The following SLX4IP variants were observed in gnomAD, a reference collection of about 807,000 sequenced individuals.
SLX4IP encodes the protein protein SLX4IP.
SLX4IP carries 34 observed loss-of-function variants against 32.9 expected under a neutral mutation model. The observed-to-expected ratio is 1.03, with a 90% CI of 0.79 to 1.38. SLX4IP has a LOEUF of 1.38. Ranked by LOEUF, SLX4IP falls within the 40% of genes most tolerant of loss-of-function variation. SLX4IP has a pLI of 0.00. For missense variants in SLX4IP, 444 were observed against 479.0 expected (o/e 0.93, Z 0.68); for synonymous variants, 172 against 171.7 (o/e 1.00, Z -0.01).
At chr20:10,532,747 G>GA (rs145371933) in intron 2 of SLX4IP, among the ~76,000 whole-genome samples, 1,718 of 150,248 alleles carry the variant, frequency 0.011, 19 homozygotes, top group Admixed American at 0.021. Flanking sequence ...AAAAGCTGAA[G>GA]AAAAAAATGG....
At chr20:10,518,386 T>C (rs530936753) in intron 2 of SLX4IP, among the ~76,000 whole-genome samples, 17 of 143,116 alleles carry the variant, frequency 1.2e-4, no homozygotes, top group African/African-American at 3.8e-4. Context: ...TTTCTTTCCT[T>C]CTTCCTTTCT....
chr20:10,541,851 A>G (rs992469227), intron 2 of SLX4IP, among the ~76,000 whole-genome samples: 1 of 152,238 alleles, frequency 6.6e-6, no homozygotes, highest in Non-Finnish European at 1.5e-5. Context: ...ATTAAGATTC[A>G]GAGAGGCTGA....
At chr20:10,585,672 C>T (rs147456655) in intron 4 of SLX4IP, among the ~76,000 whole-genome samples, 168 of 152,070 alleles carry the variant, frequency 1.1e-3, no homozygotes, top group Middle Eastern at 0.01. Flanking sequence ...TTGCAACCTC[C>T]GTCACCTGGG....
chr20:10,502,584 C>T (rs1040830747), intron 2 of SLX4IP, among the ~76,000 whole-genome samples: 1 of 142,862 alleles, frequency 7.0e-6, no homozygotes, highest in Non-Finnish European at 1.5e-5. Context: ...CTGCTGCCTA[C>T]AATGCTCTTC....
At chr20:10,514,834 G>C (rs2065836014) in intron 2 of SLX4IP, among the ~76,000 whole-genome samples, 1 of 152,048 alleles carries the variant, frequency 6.6e-6, no homozygotes, top group Admixed American at 6.6e-5. Context: ...TATTTTTTAG[G>C]TGGAGAAGTG....
At chr20:10,585,652 T>C (rs914780634) in intron 4 of SLX4IP, among the ~76,000 whole-genome samples, 14 of 151,970 alleles carry the variant, frequency 9.2e-5, no homozygotes, top group Admixed American at 8.5e-4. Context: ...AGTGGCATGA[T>C]CTTGGCTCAT....
intron 2 of SLX4IP, among the ~76,000 whole-genome samples, chr20:10,493,242 G>A (rs2065640389): frequency 6.6e-6 from 1 of 152,086 alleles, no homozygotes; most frequent in African/African-American, 2.4e-5. Context: ...GATTAATTGG[G>A]GAGCATTGCA....
At chr20:10,441,076 C>T (rs1191253637) in intron 1 of SLX4IP, among the ~76,000 whole-genome samples, 1 of 152,150 alleles carries the variant, frequency 6.6e-6, no homozygotes, top group East Asian at 1.9e-4. Flanking sequence ...ATGTGTTTTA[C>T]AAGAACCTAA....
chr20:10,536,683 G>T (rs965069101), intron 2 of SLX4IP, among the ~76,000 whole-genome samples: 2 of 152,232 alleles, frequency 1.3e-5, no homozygotes, highest in Non-Finnish European at 2.9e-5. Context: ...AACGTACTGA[G>T]TTTTACAAGG....
chr20:10,459,719 A>T (rs777985181), intron 2 of SLX4IP, among the ~76,000 whole-genome samples: 11 of 152,134 alleles, frequency 7.2e-5, no homozygotes, highest in Non-Finnish European at 1.0e-4. Context: ...TTCCTCTTAT[A>T]AATGTCCCTT....
At chr20:10,611,091 C>T (rs1469369198) in intron 6 of SLX4IP, among the ~76,000 whole-genome samples, 3 of 152,154 alleles carry the variant, frequency 2.0e-5, no homozygotes, top group African/African-American at 7.2e-5. Flanking sequence ...ATGGTTGTAA[C>T]GTTCTTTTTG....
At chr20:10,440,797 G>T (rs951837905) in intron 1 of SLX4IP, among the ~76,000 whole-genome samples, 4 of 152,118 alleles carry the variant, frequency 2.6e-5, no homozygotes, top group Non-Finnish European at 4.4e-5. Flanking sequence ...GAAAACATTA[G>T]TTATCAGAGT....
chr20:10,596,063 T>C (rs2066767962), intron 4 of SLX4IP, among the ~76,000 whole-genome samples: 2 of 152,306 alleles, frequency 1.3e-5, no homozygotes, highest in East Asian at 1.9e-4. Flanking sequence ...ATCTGCCTTA[T>C]ACTGCTTTCT....
At chr20:10,620,874 T>C (rs2122571905) in intron 6 of SLX4IP, among the ~76,000 whole-genome samples, 1 of 152,328 alleles carries the variant, frequency 6.6e-6, no homozygotes, top group Middle Eastern at 3.4e-3. Context: ...TCTTTGTTTT[T>C]GCAGATAGAG....
At chr20:10,444,351 G>A (rs1322242853) in intron 1 of SLX4IP, among the ~76,000 whole-genome samples, 3 of 152,110 alleles carry the variant, frequency 2.0e-5, no homozygotes, top group African/African-American at 7.2e-5. Context: ...CAAGGCACCA[G>A]CAGATTCACT....
chr20:10,441,233 A>T (rs1568682345), intron 1 of SLX4IP, among the ~76,000 whole-genome samples: 1 of 152,086 alleles, frequency 6.6e-6, no homozygotes, highest in Non-Finnish European at 1.5e-5. Flanking sequence ...CTCAGGACTT[A>T]GAAAACAGCC....
At chr20:10,470,718 A>G (rs1374115187) in intron 2 of SLX4IP, among the ~76,000 whole-genome samples, 1 of 152,228 alleles carries the variant, frequency 6.6e-6, no homozygotes, top group Non-Finnish European at 1.5e-5. Context: ...CAGGTCTAGC[A>G]TCCGGATCCT....
chr20:10,452,301 C>T (rs1276737228), intron 1 of SLX4IP, among the ~76,000 whole-genome samples: 1 of 151,926 alleles, frequency 6.6e-6, no homozygotes, highest in Non-Finnish European at 1.5e-5. Flanking sequence ...GAGGCTGAGG[C>T]TGGTGGATTG....
chr20:10,588,707 A>G (rs2066673402), intron 4 of SLX4IP, among the ~76,000 whole-genome samples: 1 of 152,220 alleles, frequency 6.6e-6, no homozygotes, highest in Admixed American at 6.5e-5. Flanking sequence ...AAAAAGCCTA[A>G]TTCATAAAAG....
Sources: allele counts gnomAD v4.1 joint callset (sites outside exome capture counted in the v4.1 genomes callset), GRCh38; gene constraint gnomAD v4.1.1; transcripts MANE v1.5; gene names NCBI Gene and HGNC (gene_info 2026-07-23, HGNC 2026-07-21).